The following DCT variants were observed in gnomAD, a reference collection of about 807,000 sequenced individuals.
The protein encoded by DCT is dopachrome tautomerase, also known as L-dopachrome tautomerase.
A neutral mutation model predicts 53.0 loss-of-function variants in DCT; 47 were observed. The observed-to-expected ratio is 0.89, with a 90% CI of 0.70 to 1.13. The LOEUF is 1.13. Among genes scored for constraint, DCT ranks in the 50% most tolerant of loss-of-function variants. The probability of loss-of-function intolerance (pLI) is 0.00; values close to 1 mark genes in which losing one functional copy is unlikely to be tolerated. For missense variants in DCT, 669 were observed against 637.4 expected (o/e 1.05, Z -0.53); for synonymous variants, 244 against 237.0 (o/e 1.03, Z -0.27).
chr13:94,447,006 G>T (rs1882777543), intron 6 of DCT, among the ~76,000 whole-genome samples: 1 of 152,128 alleles, frequency 6.6e-6, no homozygotes, highest in South Asian at 2.1e-4. Flanking sequence ...TTTGACATAT[G>T]AATTTTGTGG....
At chr13:94,472,543 TATATATATATATATATATATATATA>T (rs1566854965) in intron 1 of DCT, among the ~76,000 whole-genome samples, 3,602 of 34,454 alleles carry the variant, frequency 0.1, 159 homozygotes, top group South Asian at 0.12. Context: ...TATATATATA[TATATATATATATATATATATATATA>T]TTTTTTTTTT....
the DCT span, among the ~76,000 whole-genome samples, chr13:94,536,122 T>G: frequency 4.6e-5 from 7 of 152,188 alleles, no homozygotes; most frequent in African/African-American, 1.7e-4. Flanking sequence ...GCCTTTTATT[T>G]AAGGTCCAGG....
the DCT span, among the ~76,000 whole-genome samples, chr13:94,518,165 G>T: frequency 6.9e-6 from 1 of 145,144 alleles, no homozygotes; most frequent in Non-Finnish European, 1.5e-5. Flanking sequence ...AATGAAGGAA[G>T]GAAGGAAGAA....
At chr13:94,473,928 G>A (rs1159406051) in intron 1 of DCT, among the ~76,000 whole-genome samples, 2 of 152,204 alleles carry the variant, frequency 1.3e-5, no homozygotes, top group East Asian at 1.9e-4. Context: ...GACCTGACCT[G>A]AAGAATTTGT....
chr13:94,499,821 C>T, the DCT span, among the ~76,000 whole-genome samples: 2 of 152,224 alleles, frequency 1.3e-5, no homozygotes, highest in East Asian at 1.9e-4. Flanking sequence ...GAGGGCTGAA[C>T]CCCCACCATG....
At chr13:94,535,861 T>C in the DCT span, among the ~76,000 whole-genome samples, 1 of 152,162 alleles carries the variant, frequency 6.6e-6, no homozygotes, top group African/African-American at 2.4e-5. Flanking sequence ...ACTATTAATA[T>C]ATTGGTGCTT....
At chr13:94,477,653 T>A (rs1885180128) in intron 1 of DCT, among the ~76,000 whole-genome samples, 1 of 53,582 alleles carries the variant, frequency 1.9e-5, no homozygotes, top group Admixed American at 1.2e-4. Context: ...AAGTTGAAAG[T>A]TAAAATTAAA....
chr13:94,473,691 T>C (rs117696930), intron 1 of DCT, among the ~76,000 whole-genome samples: 2,794 of 152,308 alleles, frequency 0.018, 38 homozygotes, highest in Non-Finnish European at 0.03. Context: ...CAAGAAACTT[T>C]AATGTAACCA....
chr13:94,454,252 A>AC (rs974852234), intron 6 of DCT, among the ~76,000 whole-genome samples: 1 of 151,988 alleles, frequency 6.6e-6, no homozygotes, highest in African/African-American at 2.4e-5. Context: ...GAACCTATGG[A>AC]CCCCCCAGCC....
the DCT span, among the ~76,000 whole-genome samples, chr13:94,547,220 G>C: frequency 2.7e-4 from 41 of 152,038 alleles, no homozygotes; most frequent in East Asian, 7.5e-3. Flanking sequence ...CTGTTCAACG[G>C]ATTCTCCTGC....
chr13:94,485,612 TC>T, the DCT span, among the ~76,000 whole-genome samples: 1 of 152,300 alleles, frequency 6.6e-6, no homozygotes, highest in South Asian at 2.1e-4. Flanking sequence ...TATAGTATCC[TC>T]CCCAAATTCA....
chr13:94,483,904 C>A (rs1372294083), upstream of DCT, among the ~76,000 whole-genome samples: 1 of 152,164 alleles, frequency 6.6e-6, no homozygotes, highest in Non-Finnish European at 1.5e-5. Context: ...TAACTTAATT[C>A]AATGTTCCTG....
At position 94,479,329 on chromosome 13, in the gene DCT, A is replaced by C; in HGVS notation, c.-74T>G. The C allele has an allele frequency of 8.0e-7, 1 of 1,248,866 alleles. No individual in the cohort carries two copies. The highest frequency in any genetic ancestry group is 1.5e-5 in the African/African-American group (1 of 65,418). The allele number at this position is 1,248,866 out of a possible 1,614,324, so 77.4% of individuals were successfully genotyped here. On this transcript the variant is annotated 5_prime_UTR_variant, in exon 1 of 8. Transcript: ENST00000377028. ...TGTCGTACTTTTCTCCTTATCTTCT[A>C]CTCTTTCAGTCTTTTCTTTTCAGTA...
chr13:94,541,533 T>C, the DCT span, among the ~76,000 whole-genome samples: 234 of 151,844 alleles, frequency 1.5e-3, 2 homozygotes, highest in Middle Eastern at 0.037. Flanking sequence ...AAAGATCTAG[T>C]GTTGATAGCA....
chr13:94,520,254 G>T, the DCT span, among the ~76,000 whole-genome samples: 6 of 152,096 alleles, frequency 3.9e-5, no homozygotes, highest in Admixed American at 2.6e-4. Flanking sequence ...CCTGCAAATG[G>T]TCTCTTAGCC....
intron 7 of DCT, among the ~76,000 whole-genome samples, chr13:94,442,036 C>T (rs1264332112): frequency 1.2e-4 from 19 of 152,084 alleles, no homozygotes; most frequent in Admixed American, 1.2e-3. Flanking sequence ...TGATAGCAGT[C>T]ATCCCAATGG....
At chr13:94,502,263 G>T in the DCT span, among the ~76,000 whole-genome samples, 7 of 148,066 alleles carry the variant, frequency 4.7e-5, no homozygotes, top group African/African-American at 7.6e-5. Context: ...CTCTGCTGAG[G>T]GTGCCTTCAC....
chr13:94,460,942 T>A (rs536793250), intron 5 of DCT, among the ~76,000 whole-genome samples: 1 of 152,196 alleles, frequency 6.6e-6, no homozygotes, highest in Admixed American at 6.5e-5. Context: ...AAGTAGACAA[T>A]TTGTATGGGC....
chr13:94,508,686 T>C, the DCT span, among the ~76,000 whole-genome samples: 16 of 152,160 alleles, frequency 1.1e-4, no homozygotes, highest in Admixed American at 2.6e-4. Flanking sequence ...GGGATTCGAA[T>C]TGTTGTGTGT....
Sources: allele counts gnomAD v4.1 joint callset (sites outside exome capture counted in the v4.1 genomes callset), GRCh38; gene constraint gnomAD v4.1.1; transcripts MANE v1.5; gene names NCBI Gene and HGNC (gene_info 2026-07-23, HGNC 2026-07-21).